The following AGAP1 variants were observed in gnomAD, a reference collection of about 807,000 sequenced individuals.
AGAP1 encodes arf-GAP with GTPase, ANK repeat and PH domain-containing protein 1.
Under a neutral mutation model 105.3 loss-of-function variants are expected in AGAP1, and 29 were observed. That is an observed-to-expected ratio of 0.28 (90% confidence interval 0.21 to 0.38). The LOEUF (loss-of-function observed/expected upper bound fraction) is 0.38, where lower values mean the gene tolerates loss of function less well. AGAP1 is among the 10% of genes least tolerant of loss of function. AGAP1 has a pLI of 1.00. For synonymous variants in AGAP1, 509 were observed against 485.9 expected (o/e 1.05, Z -0.63); for missense variants, 998 against 1,165.1 (o/e 0.86, Z 2.09).
rs2125875972 is a variant in AGAP1, at chr2:236,092,855, C to G, written c.2115-27337C>G. On this transcript the variant is annotated intron_variant, in intron 16 of 17. Transcript: ENST00000304032. The surrounding 1 kb of genome is among the most constrained non-coding windows in gnomAD (Gnocchi z 4.7). ...TCTGGTTGAGAAGTAGGGAATGGCC[C>G]TGGAGCATCCTGCTGTGCCAGAAAG... 6.6e-6 allele frequency among the ~76,000 whole-genome samples: 1 copy of G among 152,298 alleles called. No homozygotes were observed. Among genetic ancestry groups the G allele is most frequent in the East Asian group, 1.9e-4 (1 of 5,176 alleles).
chr2:235,864,926 C>G lies in AGAP1; in HGVS notation c.1051-18419C>G, dbSNP rs1360324279. ...TAATGCTAGCCAGACCTAATGTGAA[C>G]CATACATCTCGTCGGCATTACTCAT... On this transcript the variant is annotated intron_variant, in intron 9 of 17. Coordinates refer to ENST00000304032, the MANE Select transcript of AGAP1 (RefSeq NM_001037131.3). The surrounding 1 kb of genome is among the most constrained non-coding windows in gnomAD (Gnocchi z 5.0). Among the ~76,000 whole-genome samples, 1 of 152,072 alleles carries G rather than the reference C, an allele frequency of 6.6e-6. No homozygotes were observed. The highest frequency in any genetic ancestry group is 1.5e-5 in the Non-Finnish European group (1 of 68,022).
Position 235,665,728 on chromosome 2 carries a change from G to A in AGAP1, c.164-43451G>A, listed in dbSNP as rs928250281. ...ACGGAGGGGCTCTTGGTGGGCTCCC[G>A]GGGTGGGCATGCTCAGGCCTGGGCA... is the stretch of plus-strand genomic sequence containing the variant. On this transcript the variant is annotated intron_variant, in intron 1 of 17. Coordinates refer to ENST00000304032, the MANE Select transcript of AGAP1 (RefSeq NM_001037131.3). The surrounding 1 kb of genome is among the most constrained non-coding windows in gnomAD (Gnocchi z 5.3). Among the ~76,000 whole-genome samples the A allele has an allele frequency of 2.0e-5, 3 of 152,058 alleles. No homozygotes were observed. Among genetic ancestry groups the A allele is most frequent in the African/African-American group, 7.2e-5 (3 of 41,388 alleles).
rs1025110210 is a variant in AGAP1 at position 235,552,489 on chromosome 2, C to A, written c.163+57640C>A. On this transcript the variant is annotated intron_variant, in intron 1 of 17. Transcript: ENST00000304032. The surrounding 1 kb of genome is among the most constrained non-coding windows in gnomAD (Gnocchi z 5.9). ...GTGCAGAGCACTGGGAAATGGACTTCCTGGGAAGTGTGGGATTTTTTCTGC... is the reference window on the plus strand; with the variant it reads ...GTGCAGAGCACTGGGAAATGGACTTACTGGGAAGTGTGGGATTTTTTCTGC... Among the ~76,000 whole-genome samples the A allele has an allele frequency of 1.3e-5, 2 of 152,148 alleles. No individual in the cohort carries two copies. Among genetic ancestry groups the A allele is most frequent in the Non-Finnish European group, 2.9e-5 (2 of 68,036 alleles).
intron 12 of AGAP1, among the ~76,000 whole-genome samples, chr2:235,939,813 ATCC>A (rs1372485548): frequency 1.3e-5 from 2 of 151,918 alleles, no homozygotes; most frequent in African/African-American, 2.4e-5. Flanking sequence ...CCCCTGTGTC[ATCC>A]TCCTTTACCA....
At chr2:235,505,187 C>T (rs1263402559) in intron 1 of AGAP1, among the ~76,000 whole-genome samples, 2 of 152,220 alleles carry the variant, frequency 1.3e-5, no homozygotes, top group Non-Finnish European at 2.9e-5. Flanking sequence ...TACGTATTAG[C>T]ATTATTCAGT....
At chr2:235,536,700 C>T (rs376192776) in intron 1 of AGAP1, among the ~76,000 whole-genome samples, 7 of 151,826 alleles carry the variant, frequency 4.6e-5, no homozygotes, top group Admixed American at 1.3e-4. Context: ...GTCCTCCACC[C>T]GTCCCTGAAA....
At chr2:235,746,885 T>G (rs535226475) in intron 5 of AGAP1, among the ~76,000 whole-genome samples, 1 of 152,152 alleles carries the variant, frequency 6.6e-6, no homozygotes, top group Admixed American at 6.5e-5. Flanking sequence ...GCGATCAGGT[T>G]CTGTTCTCTG....
At chr2:235,548,796 C>T (rs1292089378) in intron 1 of AGAP1, among the ~76,000 whole-genome samples, 1 of 152,192 alleles carries the variant, frequency 6.6e-6, no homozygotes, top group African/African-American at 2.4e-5. Flanking sequence ...GTGCACCTTT[C>T]ATTACAAAAG....
At chr2:235,688,588 C>T (rs1262330675) in intron 1 of AGAP1, among the ~76,000 whole-genome samples, 1 of 152,188 alleles carries the variant, frequency 6.6e-6, no homozygotes, top group East Asian at 1.9e-4. Context: ...AGAATCTGTT[C>T]TATCCCACAT....
chr2:235,974,235 TCCACCAG>T (rs1303499439), intron 13 of AGAP1, among the ~76,000 whole-genome samples: 1 of 152,218 alleles, frequency 6.6e-6, no homozygotes, highest in African/African-American at 2.4e-5. Flanking sequence ...TCAAACTCTT[TCCACCAG>T]GCAAAAAGCA....
intron 1 of AGAP1, among the ~76,000 whole-genome samples, chr2:235,588,453 A>C (rs6722955): frequency 6.6e-6 from 1 of 151,532 alleles, no homozygotes; most frequent in Non-Finnish European, 1.5e-5. Flanking sequence ...TGAGACATTC[A>C]AGACCCCTTA....
chr2:235,600,823 C>T lies in AGAP1; in HGVS notation c.163+105974C>T, dbSNP rs111976017. Among the ~76,000 whole-genome samples, 5,684 of 152,276 alleles carry T rather than the reference C, an allele frequency of 0.037. 160 individuals carry two copies. The highest frequency in any genetic ancestry group is 0.082 in the Middle Eastern group (24 of 294). ...CTCAAATGTTAATCTCCTTTGGCAGCGCCCTCACAGACACACCCAGGATCA... is the reference window on the plus strand; with the variant it reads ...CTCAAATGTTAATCTCCTTTGGCAGTGCCCTCACAGACACACCCAGGATCA... On this transcript the variant is annotated intron_variant, in intron 1 of 17. Transcript: ENST00000304032. This position sits in a 1 kb window ranked among gnomAD's most constrained non-coding sequence, Gnocchi z 4.8.
chr2:235,528,036 C>G (rs1942907517), intron 1 of AGAP1, among the ~76,000 whole-genome samples: 1 of 152,182 alleles, frequency 6.6e-6, no homozygotes, highest in African/African-American at 2.4e-5. Context: ...CTCAGCAATG[C>G]AGTGAGGATA....
rs1945736813 is a variant in AGAP1 at position 235,601,698 on chromosome 2, A to C, written c.163+106849A>C. 6.6e-6 allele frequency among the ~76,000 whole-genome samples: 1 copy of C among 152,210 alleles called. No individual in the cohort carries two copies. Among genetic ancestry groups the C allele is most frequent in the Non-Finnish European group, 1.5e-5 (1 of 68,038 alleles). On this transcript the variant is annotated intron_variant, in intron 1 of 17. Transcript: ENST00000304032. The surrounding 1 kb of genome is among the most constrained non-coding windows in gnomAD (Gnocchi z 4.4). The stretch of plus-strand genomic sequence containing the variant: ...GGTGGGGACACAGCCAAACCATATC[A>C]CCAGTCCGTGGAGCCAGGTGTGGTG...
At chr2:236,060,981 T>G (rs921150735) in intron 16 of AGAP1, among the ~76,000 whole-genome samples, 2 of 151,898 alleles carry the variant, frequency 1.3e-5, no homozygotes, top group African/African-American at 4.8e-5. Context: ...GAGGACCTCT[T>G]GAGCCCAGGA....
intron 6 of AGAP1, 92 bp from the exon 7 acceptor site, chr2:235,797,667 A>G (rs975219296): frequency 5.3e-6 from 8 of 1,501,376 alleles, no homozygotes; most frequent in Non-Finnish European, 6.4e-6. Flanking sequence ...GAAGGAAATA[A>G]CAGATTTCGA....
At position 235,999,847 on chromosome 2, in the gene AGAP1, C is replaced by T. The variant is rs372347912; in HGVS notation, c.1645+31224C>T. The stretch of plus-strand genomic sequence containing the variant: ...GGGGTCAGGTCTGAGATGTGTCAAG[C>T]GGGGCAGTGTTCTGACTTCCATTCA... On this transcript the variant is annotated intron_variant, in intron 13 of 17. Coordinates refer to ENST00000304032, the MANE Select transcript of AGAP1 (RefSeq NM_001037131.3). 2.0e-4 allele frequency among the ~76,000 whole-genome samples: 31 copies of T among 152,076 alleles called. 1 individual carries two copies. In the South Asian group the frequency reaches 4.0e-3, roughly 19 times the overall value.
chr2:235,818,267 C>T (rs968092817), intron 9 of AGAP1, among the ~76,000 whole-genome samples: 1 of 152,138 alleles, frequency 6.6e-6, no homozygotes, highest in East Asian at 1.9e-4. Context: ...CTGTTCTAGA[C>T]GAAGAGTTTG....
At position 235,706,470 on chromosome 2, in the gene AGAP1, C is replaced by T. The variant is rs373238508; in HGVS notation, c.164-2709C>T. Among the ~76,000 whole-genome samples, 64 of 152,248 alleles carry T rather than the reference C, an allele frequency of 4.2e-4. No individual in the cohort carries two copies. The East Asian group carries it at 9.5e-3, about 23-fold the overall frequency. ...ATCTTGATCTCCTGACCTCGTGATC[C>T]GCCCGCCTCGGCCTCCCAAATTACA... On this transcript the variant is annotated intron_variant, in intron 1 of 17. Coordinates refer to ENST00000304032, the MANE Select transcript of AGAP1 (RefSeq NM_001037131.3).
Sources: allele counts gnomAD v4.1 joint callset (sites outside exome capture counted in the v4.1 genomes callset), GRCh38; gene constraint gnomAD v4.1.1; non-coding constraint Gnocchi (gnomAD v3.1); transcripts MANE v1.5; gene names NCBI Gene and HGNC (gene_info 2026-07-23, HGNC 2026-07-21).